STARD5: variants seen among roughly 807,000 people sequenced by gnomAD.
STARD5 encodes the protein StAR related lipid transfer domain containing 5.
STARD5 carries 26 observed loss-of-function variants against 24.6 expected under a neutral mutation model. The observed-to-expected ratio is 1.06, with a 90% CI of 0.77 to 1.47. The LOEUF is 1.47. STARD5 is among the 40% of genes most tolerant of loss of function. The probability of loss-of-function intolerance (pLI) is 0.00; values close to 1 mark genes in which losing one functional copy is unlikely to be tolerated. For missense variants in STARD5, 254 were observed against 270.8 expected, an observed-to-expected ratio of 0.94 and a Z score of 0.44; for synonymous variants, 101 against 99.7, an observed-to-expected ratio of 1.01 and a Z score of -0.07.
At position 81,324,074 on chromosome 15, in the gene STARD5, A is replaced by G; in HGVS notation, c.26T>C (p.Met9Thr). Residue 9 changes from methionine to threonine, a missense_variant, in exon 1 of 6, where the codon ATG becomes ACG. Coordinates refer to ENST00000302824, the MANE Select transcript of STARD5 (RefSeq NM_181900.3). The part of the protein sequence containing the change: MDPALAAQ[M>T]SEAVAEKMLQ... Reference sequence around the variant, plus strand: ...CATCTTCTCGGCCACAGCCTCGCTCATCTGGGCTGCCAGCGCCGGGTCCAT... The same window carrying G: ...CATCTTCTCGGCCACAGCCTCGCTCGTCTGGGCTGCCAGCGCCGGGTCCAT... The G allele has an allele frequency of 6.5e-7, 1 of 1,542,446 alleles. No individual in the cohort carries two copies. Among genetic ancestry groups the G allele is most frequent in the Non-Finnish European group, 8.8e-7 (1 of 1,136,412 alleles).
intron 5 of STARD5, 44 bp downstream of exon 5, chr15:81,318,365 G>C (rs751120363): frequency 2.4e-5 from 37 of 1,561,584 alleles, no homozygotes; most frequent in Non-Finnish European, 2.6e-6. Context: ...GGAAGTCACA[G>C]TTAGGTCTGA....
rs1187270434 is a variant in STARD5 at position 81,313,314 on chromosome 15, CG to C, written c.583del (p.Arg195AlafsTer3). On this transcript the variant is annotated frameshift_variant, in exon 6 of 6. Transcript: ENST00000302824. LOFTEE classifies it high-confidence loss of function. ...GTTGGCATAAAACCGGGTCATGCTGCGGGGGAAGAAGGAGTCCACCACGTTC... is the reference window on the plus strand; with the variant it reads ...GTTGGCATAAAACCGGGTCATGCTGCGGGGAAGAAGGAGTCCACCACGTTC... ...PQNVVDSFFP[R>X]SMTRFYANLQ... 3 of 1,577,414 alleles carry C rather than the reference CG, an allele frequency of 1.9e-6. No homozygotes were observed. The highest frequency in any genetic ancestry group is 1.4e-5 in the African/African-American group (1 of 73,222).
At position 81,313,295 on chromosome 15, in the gene STARD5, A is replaced by T; in HGVS notation, c.603T>A (p.Tyr201Ter). ...SFFPRSMTRF[Y>*]ANLQKAVKQF... The stretch of plus-strand genomic sequence containing the variant: ...GCTTCACTGCTTTCTGAAGGTTGGC[A>T]TAAAACCGGGTCATGCTGCGGGGGA... Residue 201 changes from tyrosine (Y) to a stop codon, truncating the protein, a stop_gained, in exon 6 of 6, where the codon TAT (tyrosine) becomes TAA (stop). Coordinates refer to ENST00000302824, the MANE Select transcript of STARD5 (RefSeq NM_181900.3). LOFTEE classifies it high-confidence loss of function. 1 of 1,581,226 alleles carries T rather than the reference A, an allele frequency of 6.3e-7. No individual in the cohort carries two copies. The highest frequency in any genetic ancestry group is 8.6e-7 in the Non-Finnish European group (1 of 1,164,400).
In STARD5 at chr15:81,322,509, G is replaced by C. The variant is rs772501398; in HGVS notation, c.181C>G (p.Leu61Val). ...TTCACACAGTCCCACACCTCCTCTA[G>C]TGTCCCATATACAATGCCTTCTCCT... is the stretch of plus-strand genomic sequence containing the variant. ...YRGEGIVYGT[L>V]EEVWDCVKPA... The change falls in exon 3 of 6, where the codon CTA becomes GTA. Residue 61 changes from leucine (L) to valine (V), a missense_variant. Transcript: ENST00000302824. The C allele has an allele frequency of 9.3e-6, 15 of 1,614,162 alleles. No homozygotes were observed. Among genetic ancestry groups the C allele is most frequent in the Non-Finnish European group, 1.3e-5 (15 of 1,180,036 alleles).
intron 1 of STARD5, chr15:81,323,713 C>A: frequency 1.2e-6 from 1 of 839,650 alleles, no homozygotes; most frequent in Admixed American, 1.9e-5. Flanking sequence ...TTTACTTTTA[C>A]CACTGTCACA....
rs745836899 is a variant in STARD5 at position 81,318,511 on chromosome 15, CA to C, written c.401-10del. 18 of 1,613,256 alleles carry C rather than the reference CA, an allele frequency of 1.1e-5. No homozygotes were observed. The African/African-American group carries it at 2.3e-4, about 20-fold the overall frequency. On this transcript the variant is annotated splice_polypyrimidine_tract_variant and intron_variant, in intron 4 of 5. Coordinates refer to ENST00000302824, the MANE Select transcript of STARD5 (RefSeq NM_181900.3). ...ATGCTCCACATGGGTGGCTGGAAGA[CA>C]GTGCAGAATCTCGGTGAGTTACAAC...
rs1900722266 is a variant in STARD5, at chr15:81,309,096, A to T, written c.*4160T>A. On this transcript the variant is annotated 3_prime_UTR_variant, in exon 6 of 6. Transcript: ENST00000302824. ...AATGGATTTATTAGAATTTCATATG[A>T]CATTCATGCCTGGCTTCGCAAAATG... 3.2e-6 allele frequency: 1 copy of T among 310,132 alleles called. No individual in the cohort carries two copies. The highest frequency in any genetic ancestry group is 2.2e-5 in the African/African-American group (1 of 46,328). 19.2% of individuals were successfully genotyped at this position (310,132 alleles called of 1,614,324 possible). A position where few individuals can be genotyped will look rare whatever the true frequency, so the allele number is the denominator to read the frequency against.
intron 5 of STARD5, among the ~76,000 whole-genome samples, chr15:81,317,326 G>T (rs1011647255): frequency 2.6e-5 from 4 of 152,096 alleles, no homozygotes. Context: ...GAAGGACTCT[G>T]CCTCTTATTC....
chr15:81,320,387 G>C (rs1901172345), intron 3 of STARD5, among the ~76,000 whole-genome samples: 1 of 148,262 alleles, frequency 6.7e-6, no homozygotes, highest in Non-Finnish European at 1.5e-5. Context: ...GGTGCAATGA[G>C]AATAAATTTC....
chr15:81,310,538 AATAGAAAC>A lies in STARD5; in HGVS notation c.*2710_*2717del, dbSNP rs950978524. 1 of 152,194 alleles carries A rather than the reference AATAGAAAC, an allele frequency of 6.6e-6. No individual in the cohort carries two copies. Among genetic ancestry groups the A allele is most frequent in the Non-Finnish European group, 1.5e-5 (1 of 68,038 alleles). The allele number at this position is 152,194 out of a possible 1,614,324, so 9.4% of individuals were successfully genotyped here. A position where few individuals can be genotyped will look rare whatever the true frequency, so the allele number is the denominator to read the frequency against. On this transcript the variant is annotated 3_prime_UTR_variant, in exon 6 of 6. Transcript: ENST00000302824. ...CCATTTGTATCCACTTTTTAGACTT[AATAGAAAC>A]ATTGAAGATGAACATAATCTACCAA... is the stretch of plus-strand genomic sequence containing the variant.
chr15:81,323,902 G>A (rs1893338375), intron 1 of STARD5, 99 bp downstream of exon 1: 2 of 1,236,970 alleles, frequency 1.6e-6, no homozygotes, highest in African/African-American at 1.5e-5. Flanking sequence ...GGATTGGGGA[G>A]CAGAAAACAA....
rs1900783926 is a variant in STARD5 at position 81,310,260 on chromosome 15, T to C, written c.*2996A>G. 6.6e-6 allele frequency: 1 copy of C among 152,246 alleles called. No individual in the cohort carries two copies. The highest frequency in any genetic ancestry group is 2.4e-5 in the African/African-American group (1 of 41,468). 9.4% of individuals were successfully genotyped at this position (152,246 alleles called of 1,614,324 possible). On this transcript the variant is annotated 3_prime_UTR_variant, in exon 6 of 6. Transcript: ENST00000302824. ...GTGGAGCCATGTTAATGTAATCTGA[T>C]GGCTTCTCCAGGGTCCACAGGAAGT...
chr15:81,319,575 A>G lies in STARD5; in HGVS notation c.283-119T>C, dbSNP rs1596071586. On this transcript the variant is annotated intron_variant, in intron 3 of 5. Coordinates refer to ENST00000302824, the MANE Select transcript of STARD5 (RefSeq NM_181900.3). ...GGCTGACAGTAGGGTGGCACTATAA[A>G]CAGTTAAGATCCAGAGCGAGTCTTC... is the stretch of plus-strand genomic sequence containing the variant. 4.8e-6 allele frequency: 4 copies of G among 839,522 alleles called. No homozygotes were observed. The East Asian group carries it at 9.8e-5, about 21-fold the overall frequency. The allele number at this position is 839,522 out of a possible 1,614,324, so 52.0% of individuals were successfully genotyped here.
Position 81,310,718 on chromosome 15 carries a change from A to T in STARD5, c.*2538T>A, listed in dbSNP as rs190185001. On this transcript the variant is annotated 3_prime_UTR_variant, in exon 6 of 6. Transcript: ENST00000302824. ...TCCCTAAAATCAGGGAATTGTTTTA[A>T]GTCTTATCAAGCAGCCAAGGGATGA... 1.2e-4 allele frequency: 19 copies of T among 152,280 alleles called. No individual in the cohort carries two copies. Among genetic ancestry groups the T allele is most frequent in the African/African-American group, 4.6e-4 (19 of 41,524 alleles). The allele number at this position is 152,280 out of a possible 1,614,324, so 9.4% of individuals were successfully genotyped here.
chr15:81,322,360 A>G, intron 3 of STARD5, 48 bp downstream of exon 3: 1 of 1,612,454 alleles, frequency 6.2e-7, no homozygotes, highest in Non-Finnish European at 8.5e-7. Context: ...GGGTTACTAT[A>G]GCCTGGCCCA....
intron 3 of STARD5, 147 bp from the exon 4 acceptor site, chr15:81,319,603 A>G: frequency 1.4e-6 from 1 of 731,382 alleles, no homozygotes; most frequent in South Asian, 1.6e-5. Context: ...GAGTCTTCCC[A>G]GGAACTGGGT....
At chr15:81,319,015 C>T (rs920656791) in intron 4 of STARD5, among the ~76,000 whole-genome samples, 3 of 151,848 alleles carry the variant, frequency 2.0e-5, no homozygotes, top group East Asian at 3.9e-4. Context: ...CAAGAAGACA[C>T]GGCCATAGAT....
intron 5 of STARD5, 39 bp from the exon 6 acceptor site, chr15:81,313,442 C>A: frequency 1.4e-6 from 2 of 1,464,928 alleles, no homozygotes; most frequent in South Asian, 1.5e-5. Flanking sequence ...TGATCTGCAG[C>A]AGAGGTGCTG....
rs368502539 is a variant in STARD5 at position 81,313,232 on chromosome 15, C to A, written c.*24G>T. 2.6e-6 allele frequency: 4 copies of A among 1,521,090 alleles called. No individual in the cohort carries two copies. The highest frequency in any genetic ancestry group is 3.5e-6 in the Non-Finnish European group (4 of 1,129,564). The allele number at this position is 1,521,090 out of a possible 1,614,324, so 94.2% of individuals were successfully genotyped here. ...AGCTCCTCGATGAGTCACGGGAGTT[C>A]TTTGCCAAGAAGTAACGATAGCATT... On this transcript the variant is annotated 3_prime_UTR_variant, in exon 6 of 6. Coordinates refer to ENST00000302824, the MANE Select transcript of STARD5 (RefSeq NM_181900.3).
Sources: allele counts gnomAD v4.1 joint callset (sites outside exome capture counted in the v4.1 genomes callset), GRCh38; gene constraint gnomAD v4.1.1; transcripts MANE v1.5; gene names NCBI Gene and HGNC (gene_info 2026-07-23, HGNC 2026-07-21).